The following PRKAR1B variants were observed in gnomAD, a reference collection of about 807,000 sequenced individuals.
PRKAR1B encodes the protein protein kinase cAMP-dependent type I regulatory subunit beta, also known as cAMP-dependent protein kinase type I-beta regulatory subunit.
A neutral mutation model predicts 46.5 loss-of-function variants in PRKAR1B; 22 were observed. The observed-to-expected ratio is 0.47, with a 90% confidence interval of 0.34 to 0.68. The LOEUF is 0.68. Among genes scored for constraint, PRKAR1B ranks in the 30% least tolerant of loss-of-function variants. The pLI is 0.01. For synonymous variants in PRKAR1B, 259 were observed against 217.7 expected (o/e 1.19, Z -1.67); for missense variants, 445 against 535.6 (o/e 0.83, Z 1.67).
intron 4 of PRKAR1B, among the ~76,000 whole-genome samples, chr7:630,329 T>C (rs1205251402): frequency 6.6e-6 from 1 of 152,166 alleles, no homozygotes; most frequent in Admixed American, 6.5e-5. Context: ...CAGGTGGTCC[T>C]GTTGTCAAAA....
At chr7:634,478 C>CA (rs903326779) in intron 4 of PRKAR1B, among the ~76,000 whole-genome samples, 6 of 150,086 alleles carry the variant, frequency 4.0e-5, no homozygotes, top group South Asian at 2.1e-4. Flanking sequence ...ACCCTGTCTC[C>CA]AAAAAAAAAG....
chr7:678,051 G>A (rs191986522), intron 3 of PRKAR1B, among the ~76,000 whole-genome samples: 40 of 152,140 alleles, frequency 2.6e-4, no homozygotes, highest in Admixed American at 2.4e-3. Context: ...CAGGCGGATC[G>A]CCTGAGGTCA....
intron 8 of PRKAR1B, among the ~76,000 whole-genome samples, chr7:580,384 T>C (rs1239761708): frequency 2.1e-5 from 3 of 143,864 alleles, no homozygotes; most frequent in Non-Finnish European, 1.5e-5. Context: ...CAAAACCCCA[T>C]CTCTACTAAA....
chr7:570,642 G>A (rs375308466), intron 9 of PRKAR1B, among the ~76,000 whole-genome samples: 10 of 152,222 alleles, frequency 6.6e-5, no homozygotes, highest in East Asian at 1.9e-4. Context: ...CACGGCCCTC[G>A]GCAAAGCAGC....
chr7:715,415 G>A (rs1262701848), intron 1 of PRKAR1B, among the ~76,000 whole-genome samples: 1 of 152,046 alleles, frequency 6.6e-6, no homozygotes, highest in Non-Finnish European at 1.5e-5. Context: ...CAACAGGTCG[G>A]TCGCCACCCT....
intron 9 of PRKAR1B, among the ~76,000 whole-genome samples, chr7:553,046 T>G (rs1161429808): frequency 6.6e-6 from 1 of 152,196 alleles, no homozygotes; most frequent in East Asian, 1.9e-4. Flanking sequence ...TAGCTGAATG[T>G]CCCCTGGACT....
intron 1 of PRKAR1B, chr7:712,411 T>G (rs1780698938): frequency 1.4e-5 from 2 of 145,134 alleles, no homozygotes. Context: ...CGGCCCCGCG[T>G]ACCTGGATGC....
intron 8 of PRKAR1B, among the ~76,000 whole-genome samples, chr7:582,417 C>A (rs866749253): frequency 6.6e-6 from 1 of 152,274 alleles, no homozygotes; most frequent in Non-Finnish European, 1.5e-5. Context: ...GAGACACCGC[C>A]CCGCCAGCCA....
intron 4 of PRKAR1B, among the ~76,000 whole-genome samples, chr7:624,230 C>T (rs371161576): frequency 5.3e-5 from 8 of 152,260 alleles, no homozygotes; most frequent in Non-Finnish European, 7.4e-5. Context: ...GTCAGGAGTT[C>T]GAGACCAGCC....
At chr7:652,473 A>T (rs1013401945) in intron 4 of PRKAR1B, among the ~76,000 whole-genome samples, 5 of 148,972 alleles carry the variant, frequency 3.4e-5, no homozygotes, top group Non-Finnish European at 5.9e-5. Context: ...ACCTGGGGAA[A>T]CCCCTCTCGG....
chr7:666,605 C>T lies in PRKAR1B; in HGVS notation c.440+10624G>A, dbSNP rs775835771. 6.6e-6 allele frequency among the ~76,000 whole-genome samples: 1 copy of T among 152,226 alleles called. No homozygotes were observed. The highest frequency in any genetic ancestry group is 2.4e-5 in the African/African-American group (1 of 41,468). On this transcript the variant is annotated intron_variant, in intron 4 of 10. Transcript: ENST00000537384. This position sits in a 1 kb window ranked among gnomAD's most constrained non-coding sequence, Gnocchi z 4.9. ...ACAATTGCTGTGTGGGTCAGTGCAA[C>T]AGGCCAAGGCCCCCTCTCACTGGGT...
intron 1 of PRKAR1B, chr7:712,546 A>AGCT (rs1455451188): frequency 5.4e-5 from 7 of 129,890 alleles, no homozygotes; most frequent in African/African-American, 2.0e-4. Flanking sequence ...CGCCGCGCGC[A>AGCT]GCTGCTGCAC....
chr7:605,364 A>G (rs1342716575), intron 6 of PRKAR1B, among the ~76,000 whole-genome samples: 1 of 152,214 alleles, frequency 6.6e-6, no homozygotes, highest in Non-Finnish European at 1.5e-5. Flanking sequence ...GGCGGCCTGC[A>G]GAACAGGAGC....
chr7:712,024 G>C lies in PRKAR1B; in HGVS notation c.-22-497C>G, dbSNP rs531824442. ...CTGGGGCGGCCTCTGCACAGGAAAA[G>C]ACAGAAACGCAGGTAAACAAGGGAA... On this transcript the variant is annotated intron_variant, in intron 1 of 10. Transcript: ENST00000537384. Among the ~76,000 whole-genome samples, 30 of 139,178 alleles carry C rather than the reference G, an allele frequency of 2.2e-4. No individual in the cohort carries two copies. The Middle Eastern group carries it at 0.011, about 50-fold the overall frequency. The allele number at this position is 139,178 out of a possible 152,430, so 91.3% of individuals were successfully genotyped here.
At chr7:592,781 C>A (rs551034079) in intron 7 of PRKAR1B, among the ~76,000 whole-genome samples, 2 of 152,306 alleles carry the variant, frequency 1.3e-5, no homozygotes, top group African/African-American at 4.8e-5. Flanking sequence ...ACCTATAGAC[C>A]CAGCACTGTG....
Position 609,088 on chromosome 7 carries a change from GC to G in PRKAR1B, c.441-1637del, listed in dbSNP as rs1190557371. Among the ~76,000 whole-genome samples, 4 of 150,810 alleles carry G rather than the reference GC, an allele frequency of 2.7e-5. 1 individual carries two copies. Among genetic ancestry groups the G allele is most frequent in the Admixed American group, 6.6e-5 (1 of 15,140 alleles). ...GGCAGGGCTGTAGGGAGAGCTGGGG[GC>G]CCTCCACTCTCCGCCCATGGGTGGT... On this transcript the variant is annotated intron_variant, in intron 4 of 10. Transcript: ENST00000537384.
intron 4 of PRKAR1B, among the ~76,000 whole-genome samples, chr7:652,525 C>T (rs1324041020): frequency 6.6e-6 from 1 of 152,096 alleles, no homozygotes; most frequent in Non-Finnish European, 1.5e-5. Flanking sequence ...CCTGGGGAAA[C>T]CCCTCTCGGA....
At chr7:709,607 T>A (rs1243203828) in intron 2 of PRKAR1B, among the ~76,000 whole-genome samples, 1 of 152,178 alleles carries the variant, frequency 6.6e-6, no homozygotes, top group Non-Finnish European at 1.5e-5. Flanking sequence ...CCTGACCTCG[T>A]GATCTGCCCA....
chr7:685,487 G>C (rs930026104), intron 2 of PRKAR1B, among the ~76,000 whole-genome samples: 13 of 147,394 alleles, frequency 8.8e-5, no homozygotes, highest in African/African-American at 1.8e-4. Context: ...AAACTTGTCA[G>C]AAATAAAAGA....
Sources: allele counts gnomAD v4.1 joint callset (sites outside exome capture counted in the v4.1 genomes callset), GRCh38; gene constraint gnomAD v4.1.1; non-coding constraint Gnocchi (gnomAD v3.1); transcripts MANE v1.5; gene names NCBI Gene and HGNC (gene_info 2026-07-23, HGNC 2026-07-21).